The following CSNK2A2IP variants were observed in gnomAD, a reference collection of about 807,000 sequenced individuals.
CSNK2A2IP encodes casein kinase 2 subunit alpha' interacting protein.
the CSNK2A2IP span, among the ~76,000 whole-genome samples, chr3:88,379,103 A>G: frequency 1.3e-5 from 2 of 151,968 alleles, no homozygotes; most frequent in African/African-American, 2.4e-5. Flanking sequence ...TCTTCGCTCC[A>G]AAGTCAATCT....
chr3:88,383,622 T>C, the CSNK2A2IP span, among the ~76,000 whole-genome samples: 2 of 151,266 alleles, frequency 1.3e-5, no homozygotes, highest in African/African-American at 4.8e-5. Context: ...TCATTTTGAA[T>C]AGCCTATGGA....
the CSNK2A2IP span, among the ~76,000 whole-genome samples, chr3:88,438,866 G>A: frequency 0.014 from 2,070 of 152,098 alleles, 40 homozygotes; most frequent in African/African-American, 0.048. Flanking sequence ...CCTTATGATG[G>A]GTGGGGAAAG....
chr3:88,344,767 G>T, the CSNK2A2IP span, among the ~76,000 whole-genome samples: 2 of 151,804 alleles, frequency 1.3e-5, no homozygotes, highest in African/African-American at 4.8e-5. Context: ...CTACCACATT[G>T]TAAATTATAC....
chr3:88,444,350 A>G, the CSNK2A2IP span, among the ~76,000 whole-genome samples: 2,070 of 152,280 alleles, frequency 0.014, 40 homozygotes, highest in African/African-American at 0.048. Flanking sequence ...ACAGGAGTTT[A>G]TGTCAAAAAG....
At chr3:88,390,433 T>C in the CSNK2A2IP span, among the ~76,000 whole-genome samples, 1 of 152,162 alleles carries the variant, frequency 6.6e-6, no homozygotes, top group Non-Finnish European at 1.5e-5. Flanking sequence ...AATGATGGCA[T>C]GTATAGGAAA....
chr3:88,394,972 C>T, the CSNK2A2IP span, among the ~76,000 whole-genome samples: 6 of 152,144 alleles, frequency 3.9e-5, no homozygotes, highest in Non-Finnish European at 7.3e-5. Flanking sequence ...AAACTACAAA[C>T]CCCGGTGACA....
At chr3:88,384,192 C>G in the CSNK2A2IP span, among the ~76,000 whole-genome samples, 1 of 151,658 alleles carries the variant, frequency 6.6e-6, no homozygotes, top group Admixed American at 6.6e-5. Context: ...CACAGCAAAC[C>G]CGGAAACAAA....
the CSNK2A2IP span, among the ~76,000 whole-genome samples, chr3:88,406,982 A>T: frequency 2.0e-5 from 3 of 152,072 alleles, no homozygotes; most frequent in Admixed American, 6.5e-5. Flanking sequence ...GGCTTAGGAA[A>T]ATTGCCCAGG....
the CSNK2A2IP span, among the ~76,000 whole-genome samples, chr3:88,368,922 C>A: frequency 6.6e-6 from 1 of 152,128 alleles, no homozygotes; most frequent in East Asian, 1.9e-4. Context: ...AACCTCTCCT[C>A]ACATGTTCCT....
the CSNK2A2IP span, among the ~76,000 whole-genome samples, chr3:88,464,369 A>T: frequency 6.6e-6 from 1 of 151,224 alleles, no homozygotes; most frequent in Non-Finnish European, 1.5e-5. Context: ...CCTGAACATC[A>T]CCGATGTGAT....
chr3:88,419,856 G>A, the CSNK2A2IP span, among the ~76,000 whole-genome samples: 1 of 152,134 alleles, frequency 6.6e-6, no homozygotes, highest in East Asian at 1.9e-4. Flanking sequence ...TTTGCTTTAA[G>A]TGTCAAGCCA....
chr3:88,465,635 T>A, the CSNK2A2IP span: 1 of 1,231,630 alleles, frequency 8.1e-7, no homozygotes, highest in Non-Finnish European at 1.0e-6. Flanking sequence ...TCACCATTGT[T>A]CCATGCCAAG....
At chr3:88,420,850 T>C in the CSNK2A2IP span, among the ~76,000 whole-genome samples, 5 of 152,136 alleles carry the variant, frequency 3.3e-5, no homozygotes, top group Non-Finnish European at 5.9e-5. Flanking sequence ...CAATCAGAAA[T>C]GATATTGGGT....
At chr3:88,422,975 A>C in the CSNK2A2IP span, among the ~76,000 whole-genome samples, 303 of 152,318 alleles carry the variant, frequency 2.0e-3, 1 homozygote, top group African/African-American at 6.9e-3. Flanking sequence ...GAAGAAGACA[A>C]CATAACTTTT....
the CSNK2A2IP span, among the ~76,000 whole-genome samples, chr3:88,432,073 AGTTT>A: frequency 6.6e-6 from 1 of 151,888 alleles, no homozygotes; most frequent in East Asian, 1.9e-4. Flanking sequence ...TTATTCTTGT[AGTTT>A]GTTTTTTAGA....
At chr3:88,445,254 C>T in the CSNK2A2IP span, among the ~76,000 whole-genome samples, 6 of 108,810 alleles carry the variant, frequency 5.5e-5, no homozygotes, top group African/African-American at 1.5e-4. Flanking sequence ...CATGGTGAAA[C>T]CCTGTCTCTA....
the CSNK2A2IP span, among the ~76,000 whole-genome samples, chr3:88,377,363 A>T: frequency 6.6e-6 from 1 of 151,720 alleles, no homozygotes; most frequent in Non-Finnish European, 1.5e-5. Flanking sequence ...ATATTAAATT[A>T]TTTGTTAAAC....
At chr3:88,395,134 CAT>C in the CSNK2A2IP span, among the ~76,000 whole-genome samples, 1 of 152,176 alleles carries the variant, frequency 6.6e-6, no homozygotes, top group Non-Finnish European at 1.5e-5. Context: ...CGTATATACA[CAT>C]ACATGTAAAA....
At chr3:88,416,701 A>T in the CSNK2A2IP span, among the ~76,000 whole-genome samples, 4 of 152,226 alleles carry the variant, frequency 2.6e-5, no homozygotes, top group Non-Finnish European at 5.9e-5. Context: ...AATGATGCTC[A>T]GTTCAAGACA....
Sources: gnomAD v4.1 joint callset for allele counts (sites outside exome capture counted in the v4.1 genomes callset) on GRCh38, gnomAD v4.1.1 for gene constraint, MANE v1.5 for transcripts, NCBI Gene and HGNC (gene_info 2026-07-23, HGNC 2026-07-21) for gene names.